The following MIB1 variants were observed in gnomAD, a reference collection of about 807,000 sequenced individuals.
MIB1 encodes E3 ubiquitin-protein ligase MIB1.
A neutral mutation model predicts 124.5 loss-of-function variants in MIB1; 278 were observed. That is an observed-to-expected ratio of 2.23 (90% CI 2.02 to 2.47). The LOEUF (loss-of-function observed/expected upper bound fraction) is 2.47. MIB1 is among the 30% of genes most tolerant of loss of function. The pLI is 0.00. For synonymous variants in MIB1, 446 were observed against 429.4 expected, an observed-to-expected ratio of 1.04 and a Z score of -0.48; for missense variants, 957 against 1,254.4, an observed-to-expected ratio of 0.76 and a Z score of 3.58.
At chr18:21,841,850 G>A (rs1176885231) in intron 13 of MIB1, among the ~76,000 whole-genome samples, 1 of 152,002 alleles carries the variant, frequency 6.6e-6, no homozygotes, top group Non-Finnish European at 1.5e-5. Flanking sequence ...AACAAATTGT[G>A]CAAATTGTGG....
Position 21,865,315 on chromosome 18 carries a change from C to T in MIB1, c.*649C>T, listed in dbSNP as rs1369011138. ...TAGATTCAAAAGGAACATTGTTTAA[C>T]TTGAATCAGATTACCAGTTTCAAGG... On this transcript the variant is annotated 3_prime_UTR_variant, in exon 21 of 21. Coordinates refer to ENST00000261537, the MANE Select transcript of MIB1 (RefSeq NM_020774.4). The T allele has an allele frequency of 6.6e-6, 1 of 151,674 alleles. No homozygotes were observed. The highest frequency in any genetic ancestry group is 2.4e-5 in the African/African-American group (1 of 41,274). 9.4% of individuals were successfully genotyped at this position (151,674 alleles called of 1,614,324 possible).
chr18:21,757,271 G>A (rs2041043485), intron 1 of MIB1, among the ~76,000 whole-genome samples: 1 of 151,346 alleles, frequency 6.6e-6, no homozygotes, highest in Admixed American at 6.6e-5. Flanking sequence ...GGCCAACATG[G>A]TGAAGCCCTG....
At chr18:21,813,322 T>G (rs1320593691) in intron 10 of MIB1, among the ~76,000 whole-genome samples, 1 of 152,198 alleles carries the variant, frequency 6.6e-6, no homozygotes. Flanking sequence ...GATTAACTTA[T>G]GTATACATGC....
Position 21,819,655 on chromosome 18 carries a change from C to T in MIB1, c.1829+9C>T. 6.7e-7 allele frequency: 1 copy of T among 1,496,050 alleles called. No individual in the cohort carries two copies. The highest frequency in any genetic ancestry group is 2.5e-5 in the East Asian group (1 of 40,688). The allele number at this position is 1,496,050 out of a possible 1,614,324, so 92.7% of individuals were successfully genotyped here. ...CTAAGGGGAAATCCCAGGTATGTCACCCCTTACTATTTTAGGTGCAATTCA... is the reference window on the plus strand; with the variant it reads ...CTAAGGGGAAATCCCAGGTATGTCATCCCTTACTATTTTAGGTGCAATTCA... On this transcript the variant is annotated intron_variant, in intron 12 of 20. Transcript: ENST00000261537.
chr18:21,718,242 A>T (rs1465291311), intron 1 of MIB1, among the ~76,000 whole-genome samples: 1 of 152,066 alleles, frequency 6.6e-6, no homozygotes, highest in Non-Finnish European at 1.5e-5. Context: ...TCAGGGGGAA[A>T]GGGTGGATAG....
intron 12 of MIB1, chr18:21,829,094 T>G (rs762757346): frequency 2.2e-6 from 1 of 452,404 alleles, no homozygotes; most frequent in Non-Finnish European, 4.5e-6. Context: ...TAGGTATTAC[T>G]AAGTTGTTAG....
intron 1 of MIB1, among the ~76,000 whole-genome samples, chr18:21,762,391 A>G (rs2041108269): frequency 6.6e-6 from 1 of 152,254 alleles, no homozygotes; most frequent in African/African-American, 2.4e-5. Flanking sequence ...GAAATTCTAT[A>G]CAATTATTAA....
At chr18:21,785,525 C>T (rs1018972897) in intron 6 of MIB1, among the ~76,000 whole-genome samples, 8 of 152,208 alleles carry the variant, frequency 5.3e-5, no homozygotes, top group Admixed American at 2.0e-4. Context: ...TTAACTCCTC[C>T]ACATTGTGAC....
chr18:21,783,244 CTT>C (rs755510609), intron 6 of MIB1, among the ~76,000 whole-genome samples: 1 of 143,146 alleles, frequency 7.0e-6, no homozygotes, highest in Admixed American at 7.0e-5. Context: ...CACTCTATGC[CTT>C]TTTTTTTTTT....
intron 3 of MIB1, among the ~76,000 whole-genome samples, chr18:21,772,798 C>T (rs1043291175): frequency 2.6e-5 from 4 of 152,012 alleles, no homozygotes; most frequent in Non-Finnish European, 5.9e-5. Flanking sequence ...CCTGCAACTG[C>T]GGGATACTGT....
At chr18:21,861,664 A>T (rs541578477) in intron 20 of MIB1, among the ~76,000 whole-genome samples, 1 of 144,084 alleles carries the variant, frequency 6.9e-6, no homozygotes, top group Non-Finnish European at 1.5e-5. Flanking sequence ...AAAAAAAAAC[A>T]AACAACAACC....
At chr18:21,724,845 C>A (rs1460336203) in intron 1 of MIB1, among the ~76,000 whole-genome samples, 1 of 139,942 alleles carries the variant, frequency 7.1e-6, no homozygotes, top group Non-Finnish European at 1.5e-5. Context: ...GTAATCCCAA[C>A]ACTTTGGGAG....
intron 4 of MIB1, among the ~76,000 whole-genome samples, chr18:21,774,632 TA>T (rs2041259971): frequency 6.6e-6 from 1 of 152,132 alleles, no homozygotes; most frequent in African/African-American, 2.4e-5. Flanking sequence ...GTATAGAGTA[TA>T]ATAAATAAAT....
chr18:21,748,866 A>G (rs2040942778), intron 1 of MIB1, among the ~76,000 whole-genome samples: 1 of 150,450 alleles, frequency 6.6e-6, no homozygotes, highest in Non-Finnish European at 1.5e-5. Flanking sequence ...CCGAGTAGCT[A>G]GGACTATAGG....
chr18:21,775,680 A>G (rs73439839), intron 4 of MIB1, among the ~76,000 whole-genome samples: 4,613 of 152,190 alleles, frequency 0.03, 214 homozygotes, highest in Admixed American at 0.1. Context: ...TAAATTGTCA[A>G]TTTTTTAGGA....
intron 4 of MIB1, among the ~76,000 whole-genome samples, chr18:21,777,672 C>T (rs1450439826): frequency 6.6e-6 from 1 of 151,978 alleles, no homozygotes; most frequent in South Asian, 2.1e-4. Flanking sequence ...CTCCTGCCTC[C>T]ACCTCCTGAG....
chr18:21,777,369 A>G (rs1412976079), intron 4 of MIB1, among the ~76,000 whole-genome samples: 2 of 151,842 alleles, frequency 1.3e-5, no homozygotes, highest in East Asian at 3.9e-4. Context: ...GCAGTGAGTC[A>G]CTTTACTCCA....
rs1235332482 is a variant in MIB1 at position 21,741,842 on chromosome 18, C to A, written c.229+30C>A. On this transcript the variant is annotated intron_variant, in intron 1 of 20. Coordinates refer to ENST00000261537, the MANE Select transcript of MIB1 (RefSeq NM_020774.4). This position sits in a 1 kb window ranked among gnomAD's most constrained non-coding sequence, Gnocchi z 5.4. The stretch of plus-strand genomic sequence containing the variant: ...GCCGCGGCCACCTGGCCAGGGCTTG[C>A]GCGCGCGGGGGGAAGGGGCGAGCTG... 2.0e-6 allele frequency: 3 copies of A among 1,532,556 alleles called. No individual in the cohort carries two copies. In the African/African-American group the frequency reaches 4.1e-5, roughly 21 times the overall value. The allele number at this position is 1,532,556 out of a possible 1,614,324, so 94.9% of individuals were successfully genotyped here. A position where few individuals can be genotyped will look rare whatever the true frequency, so the allele number is the denominator to read the frequency against.
chr18:21,855,999 A>G (rs942322472), intron 18 of MIB1, among the ~76,000 whole-genome samples: 12 of 151,056 alleles, frequency 7.9e-5, no homozygotes, highest in African/African-American at 2.4e-5. Flanking sequence ...GGGAGGCCGA[A>G]GCGGGTGGAT....
Sources: allele counts gnomAD v4.1 joint callset (sites outside exome capture counted in the v4.1 genomes callset), GRCh38; gene constraint gnomAD v4.1.1; non-coding constraint Gnocchi (gnomAD v3.1); transcripts MANE v1.5; gene names NCBI Gene and HGNC (gene_info 2026-07-23, HGNC 2026-07-21).